ABCA12: variants seen among roughly 807,000 people sequenced by gnomAD.
ABCA12 encodes ATP binding cassette subfamily A member 12, also known as glucosylceramide transporter ABCA12.
ABCA12 carries 156 observed loss-of-function variants against 293.5 expected under a neutral mutation model. The observed-to-expected ratio is 0.53, with a 90% CI of 0.47 to 0.61. ABCA12 has a LOEUF of 0.61. Ranked by LOEUF, ABCA12 falls within the 20% of genes least tolerant of loss-of-function variation. The pLI is 0.00. For synonymous variants in ABCA12, 1,063 were observed against 1,108.0 expected, an observed-to-expected ratio of 0.96 and a Z score of 0.81; for missense variants, 2,797 against 3,090.2, an observed-to-expected ratio of 0.91 and a Z score of 2.25.
intron 7 of ABCA12, chr2:215,044,630 T>C (rs973838471): frequency 6.6e-6 from 1 of 152,196 alleles, no homozygotes; most frequent in South Asian, 2.1e-4. Context: ...GGAAAGAGTA[T>C]AGGACTGGGA....
chr2:215,072,271 C>T (rs543070312), intron 2 of ABCA12, among the ~76,000 whole-genome samples: 9 of 151,988 alleles, frequency 5.9e-5, no homozygotes, highest in Non-Finnish European at 8.8e-5. Context: ...CACAGCCAGA[C>T]GGATTTTGAA....
At chr2:215,080,414 A>T (rs1409408938) in intron 2 of ABCA12, among the ~76,000 whole-genome samples, 2 of 152,052 alleles carry the variant, frequency 1.3e-5, no homozygotes, top group Non-Finnish European at 2.9e-5. Context: ...GAGGCATGAC[A>T]ATTGCTTGAA....
intron 49 of ABCA12, among the ~76,000 whole-genome samples, chr2:214,943,926 T>C (rs1210395361): frequency 6.6e-6 from 1 of 152,200 alleles, no homozygotes; most frequent in African/African-American, 2.4e-5. Context: ...TTTTCTACTA[T>C]ATGACAATTA....
chr2:214,954,212 T>TA, intron 43 of ABCA12, 105 bp from the exon 44 acceptor site: 1 of 1,243,772 alleles, frequency 8.0e-7, no homozygotes, highest in Non-Finnish European at 1.1e-6. Context: ...CTAAAAAGCT[T>TA]ATCTAGATTG....
intron 11 of ABCA12, chr2:215,023,098 G>T (rs942993931): frequency 6.6e-6 from 1 of 152,186 alleles, no homozygotes; most frequent in Non-Finnish European, 1.5e-5. Flanking sequence ...TGAATAAAGC[G>T]TTAGATTGGG....
In ABCA12 at chr2:215,110,609, T is replaced by C. The variant is rs77982796; in HGVS notation, c.163+988A>G. ...GTTTAAATGCTTTCCACTAACTGAG[T>C]TGACATTTTCTTTTGAATTAGCCTA... is the stretch of plus-strand genomic sequence containing the variant. On this transcript the variant is annotated intron_variant, in intron 2 of 52. Transcript: ENST00000272895. 2.8e-4 allele frequency among the ~76,000 whole-genome samples: 42 copies of C among 152,350 alleles called. No individual in the cohort carries two copies. The East Asian group carries it at 7.5e-3, about 27-fold the overall frequency.
At position 215,087,155 on chromosome 2, in the gene ABCA12, C is replaced by T. The variant is rs1575035051; in HGVS notation, c.164-22936G>A. ...CTGGATTTCTCCATGTTGGTCAGGCCTGTCTCAAACTCCTGACCTCAGGTG... is the reference window on the plus strand; with the variant it reads ...CTGGATTTCTCCATGTTGGTCAGGCTTGTCTCAAACTCCTGACCTCAGGTG... On this transcript the variant is annotated intron_variant, in intron 2 of 52. Coordinates refer to ENST00000272895, the MANE Select transcript of ABCA12 (RefSeq NM_173076.3). Among the ~76,000 whole-genome samples the T allele has an allele frequency of 2.0e-5, 3 of 151,988 alleles. No individual in the cohort carries two copies. In the South Asian group the frequency reaches 6.2e-4, roughly 32 times the overall value.
intron 2 of ABCA12, among the ~76,000 whole-genome samples, chr2:215,109,967 A>G (rs763402702): frequency 3.3e-5 from 5 of 152,212 alleles, no homozygotes; most frequent in Non-Finnish European, 7.3e-5. Context: ...TATTTGTCCT[A>G]CTTATATGGT....
At chr2:215,028,674 A>G (rs900294886) in intron 9 of ABCA12, among the ~76,000 whole-genome samples, 2 of 152,248 alleles carry the variant, frequency 1.3e-5, no homozygotes, top group Non-Finnish European at 2.9e-5. Flanking sequence ...AAATTTCTAA[A>G]TCACATTATT....
intron 2 of ABCA12, among the ~76,000 whole-genome samples, chr2:215,091,980 C>A (rs990871414): frequency 2.0e-5 from 3 of 152,206 alleles, no homozygotes; most frequent in African/African-American, 7.2e-5. Flanking sequence ...ACTCACCTGG[C>A]AGCCACTCCC....
chr2:214,974,269 C>A (rs1559123598), intron 35 of ABCA12, among the ~76,000 whole-genome samples: 3 of 152,140 alleles, frequency 2.0e-5, no homozygotes, highest in African/African-American at 7.2e-5. Context: ...GTATTGAGAC[C>A]AGTGCTTATT....
At chr2:214,986,929 C>T (rs1188500267) in intron 27 of ABCA12, among the ~76,000 whole-genome samples, 1 of 152,184 alleles carries the variant, frequency 6.6e-6, no homozygotes, top group East Asian at 1.9e-4. Context: ...AACCAGGGTT[C>T]ATTTCACCCT....
intron 1 of ABCA12, among the ~76,000 whole-genome samples, chr2:215,130,638 G>A (rs1217171102): frequency 1.3e-5 from 2 of 152,088 alleles, no homozygotes; most frequent in African/African-American, 2.4e-5. Flanking sequence ...GGAGTCTTTA[G>A]GGTTTTTTAG....
intron 48 of ABCA12, among the ~76,000 whole-genome samples, chr2:214,946,821 G>A (rs935691992): frequency 1.3e-5 from 2 of 152,000 alleles, no homozygotes; most frequent in African/African-American, 4.8e-5. Flanking sequence ...ATATTTCCAG[G>A]TAATCAATTA....
intron 14 of ABCA12, among the ~76,000 whole-genome samples, chr2:215,015,991 T>C (rs930912785): frequency 2.0e-5 from 3 of 146,914 alleles, no homozygotes; most frequent in East Asian, 4.2e-4. Flanking sequence ...AAAGATACAA[T>C]AAATTAGCCG....
Position 214,982,127 on chromosome 2 carries a change from A to G in ABCA12, c.4579+60T>C, listed in dbSNP as rs1699681113. The stretch of plus-strand genomic sequence containing the variant: ...GCACCCAGCCTCAGTTTGCTTTTGT[A>G]TATGCCAGAGGGCAGAAGTATGACT... On this transcript the variant is annotated intron_variant, in intron 30 of 52. Transcript: ENST00000272895. 3.8e-6 allele frequency: 6 copies of G among 1,582,482 alleles called. No individual in the cohort carries two copies. The South Asian group carries it at 5.5e-5, about 15-fold the overall frequency.
intron 8 of ABCA12, among the ~76,000 whole-genome samples, chr2:215,033,154 A>G (rs1420770280): frequency 6.6e-6 from 1 of 152,226 alleles, no homozygotes; most frequent in African/African-American, 2.4e-5. Context: ...AATAACAGTA[A>G]TGCATCAGTG....
At chr2:215,013,792 C>A (rs1003404514) in intron 15 of ABCA12, among the ~76,000 whole-genome samples, 1 of 152,160 alleles carries the variant, frequency 6.6e-6, no homozygotes, top group African/African-American at 2.4e-5. Flanking sequence ...CTTCATTTCC[C>A]TATGGGCCAG....
At chr2:215,087,122 A>C (rs192580538) in intron 2 of ABCA12, among the ~76,000 whole-genome samples, 16 of 152,160 alleles carry the variant, frequency 1.1e-4, no homozygotes, top group East Asian at 1.9e-4. Context: ...TTGTATTTTT[A>C]GTAGAGACTG....
Sources: gnomAD v4.1 joint callset for allele counts (sites outside exome capture counted in the v4.1 genomes callset) on GRCh38, gnomAD v4.1.1 for gene constraint, MANE v1.5 for transcripts, NCBI Gene and HGNC (gene_info 2026-07-23, HGNC 2026-07-21) for gene names.